SPIB: variants seen among roughly 807,000 people sequenced by gnomAD.
The protein encoded by SPIB is Spi-B transcription factor, also known as transcription factor Spi-B.
Under a neutral mutation model 31.9 loss-of-function variants are expected in SPIB, and 7 were observed. That is an observed-to-expected ratio of 0.22 (90% CI 0.12 to 0.41). The LOEUF (loss-of-function observed/expected upper bound fraction) is 0.41. Ranked by LOEUF, SPIB falls within the 10% of genes least tolerant of loss-of-function variation. SPIB has a pLI of 1.00. For synonymous variants in SPIB, 176 were observed against 158.9 expected, an observed-to-expected ratio of 1.11 and a Z score of -0.81; for missense variants, 327 against 360.2, an observed-to-expected ratio of 0.91 and a Z score of 0.75.
At chr19:50,425,766 T>C (rs1383424299) in intron 5 of SPIB, among the ~76,000 whole-genome samples, 1 of 152,180 alleles carries the variant, frequency 6.6e-6, no homozygotes, top group African/African-American at 2.4e-5. Flanking sequence ...TTATGGCTTA[T>C]AGGTCCTGGG....
In SPIB at chr19:50,428,234, C is replaced by T; in HGVS notation, c.687C>T (p.Arg229=). The T allele has an allele frequency of 6.4e-7, 1 of 1,564,494 alleles. No individual in the cohort carries two copies. Among genetic ancestry groups the T allele is most frequent in the East Asian group, 2.4e-5 (1 of 42,226 alleles). ...GCATGACCTACCAGAAGCTGGCGCG[C>T]GCCCTCCGAAACTACGCCAAGACCG... ...RKRMTYQKLA[R]ALRNYAKTGE... is the part of the protein sequence containing the mutation. Residue 229 remains arginine (R), a synonymous_variant, in exon 6 of 6, where the codon CGC becomes CGT. Coordinates refer to ENST00000595883, the MANE Select transcript of SPIB (RefSeq NM_003121.5). This position sits in a 1 kb window ranked among gnomAD's most constrained non-coding sequence, Gnocchi z 6.5.
chr19:50,430,738 G>A lies in SPIB; in HGVS notation c.*2402G>A, dbSNP rs79448115. 12,794 of 149,998 alleles carry A rather than the reference G, an allele frequency of 0.085. 1,817 individuals are homozygous for A. Among genetic ancestry groups the A allele is most frequent in the African/African-American group, 0.3 (12,065 of 40,650 alleles). The allele number at this position is 149,998 out of a possible 1,614,324, so 9.3% of individuals were successfully genotyped here. A position where few individuals can be genotyped will look rare whatever the true frequency, so the allele number is the denominator to read the frequency against. ...GCCTGGGCGACAAGAGCGAAACTCC[G>A]TCTCAAAAAAAAAAAACTGTTGCAG... On this transcript the variant is annotated 3_prime_UTR_variant, in exon 6 of 6. Transcript: ENST00000595883.
At position 50,422,457 on chromosome 19, in the gene SPIB, C is replaced by T; in HGVS notation, c.52-16C>T. ...GGCCTGGGATGACCCCTCTTCCCTCCTGCACCCCGTATCAGTACCCAGATG... is the reference window on the plus strand; with the variant it reads ...GGCCTGGGATGACCCCTCTTCCCTCTTGCACCCCGTATCAGTACCCAGATG... On this transcript the variant is annotated splice_polypyrimidine_tract_variant and intron_variant, in intron 2 of 5. Coordinates refer to ENST00000595883, the MANE Select transcript of SPIB (RefSeq NM_003121.5). The T allele has an allele frequency of 6.2e-7, 1 of 1,613,388 alleles. No individual in the cohort carries two copies. The highest frequency in any genetic ancestry group is 8.5e-7 in the Non-Finnish European group (1 of 1,179,434).
chr19:50,422,542 C>T lies in SPIB; in HGVS notation c.121C>T (p.Pro41Ser), dbSNP rs749812323. The T allele has an allele frequency of 1.2e-6, 2 of 1,613,744 alleles. No homozygotes were observed. ...HSSYPDSEGA[P>S]DSLWDWTVAP... ...CAGCTACCCTGATTCAGAGGGGGCT[C>T]CTGGTGAGTGACCCCAGCCCTGTGC... The change falls in exon 3 of 6, where the codon CCT becomes TCT. Residue 41 changes from proline (P) to serine (S), a missense_variant. Around this residue, in one of 4 missense-constraint regions of SPIB, gnomAD observed 238 missense variants for 228.8 expected, o/e 1.04. Coordinates refer to ENST00000595883, the MANE Select transcript of SPIB (RefSeq NM_003121.5).
chr19:50,422,983 G>A lies in SPIB; in HGVS notation c.285G>A (p.Leu95=). The change falls in exon 4 of 6, where the codon CTG becomes CTA. Residue 95 remains leucine (L), a synonymous_variant. Coordinates refer to ENST00000595883, the MANE Select transcript of SPIB (RefSeq NM_003121.5). The part of the protein sequence containing the change: ...PAGNLELAPS[L]EAPGPGLPAY... ...GGAACCTCGAACTGGCCCCCAGCCT[G>A]GAGGCCCCGGGGCCTGGCCTCCCTG... 5 of 1,572,450 alleles carry A rather than the reference G, an allele frequency of 3.2e-6. No homozygotes were observed. Among genetic ancestry groups the A allele is most frequent in the Admixed American group, 1.8e-5 (1 of 54,210 alleles).
In SPIB at chr19:50,430,855, C is replaced by T. The variant is rs1288964428; in HGVS notation, c.*2519C>T. On this transcript the variant is annotated 3_prime_UTR_variant, in exon 6 of 6. Transcript: ENST00000595883. ...CCAATGACCTAGAGACACGAGAAGT[C>T]CATGTGGAGGCACACAGCAGCTGAT... 6.6e-6 allele frequency: 1 copy of T among 152,264 alleles called. No individual in the cohort carries two copies. Among genetic ancestry groups the T allele is most frequent in the Non-Finnish European group, 1.5e-5 (1 of 68,132 alleles). 9.4% of individuals were successfully genotyped at this position (152,264 alleles called of 1,614,324 possible). A position where few individuals can be genotyped will look rare whatever the true frequency, so the allele number is the denominator to read the frequency against.
intron 5 of SPIB, among the ~76,000 whole-genome samples, chr19:50,424,191 G>A (rs553543227): frequency 8.4e-4 from 128 of 152,258 alleles, no homozygotes; most frequent in African/African-American, 2.7e-3. Context: ...AGCTGAGATC[G>A]TTCCTTCCTT....
chr19:50,426,863 C>G (rs965384682), intron 5 of SPIB, among the ~76,000 whole-genome samples: 1 of 152,090 alleles, frequency 6.6e-6, no homozygotes, highest in South Asian at 2.1e-4. Context: ...GGTGCAGTGG[C>G]TCACACCTGT....
intron 5 of SPIB, among the ~76,000 whole-genome samples, chr19:50,425,638 G>A (rs998806295): frequency 3.9e-5 from 6 of 152,042 alleles, no homozygotes; most frequent in Admixed American, 6.6e-5. Flanking sequence ...GTGAGGTCTC[G>A]CTATGTTGCC....
intron 2 of SPIB, 119 bp downstream of exon 2, chr19:50,420,092 C>A: frequency 1.1e-6 from 1 of 933,640 alleles, no homozygotes; most frequent in Non-Finnish European, 1.5e-6. Flanking sequence ...TGTTTCTGAG[C>A]TCCCCCTTGG....
Position 50,428,138 on chromosome 19 carries a change from C to A in SPIB, c.591C>A (p.Val197=). 1 of 1,586,598 alleles carries A rather than the reference C, an allele frequency of 6.3e-7. No homozygotes were observed. The highest frequency in any genetic ancestry group is 8.6e-7 in the Non-Finnish European group (1 of 1,166,274). The change falls in exon 6 of 6, where the codon GTC becomes GTA. Residue 197 remains valine (V), a synonymous_variant. Coordinates refer to ENST00000595883, the MANE Select transcript of SPIB (RefSeq NM_003121.5). This position sits in a 1 kb window ranked among gnomAD's most constrained non-coding sequence, Gnocchi z 6.5. ...CVWWVEPGAG[V]FQFSSKHKEL... ...GGTGGGTGGAGCCAGGCGCCGGCGT[C>A]TTCCAGTTCTCCTCCAAGCACAAGG...
chr19:50,425,057 A>G (rs2039548495), intron 5 of SPIB, among the ~76,000 whole-genome samples: 1 of 151,692 alleles, frequency 6.6e-6, no homozygotes. Flanking sequence ...CCCAGGCTGG[A>G]GTGCAGTGGC....
intron 5 of SPIB, among the ~76,000 whole-genome samples, chr19:50,427,751 C>T (rs1458883596): frequency 6.6e-6 from 1 of 152,050 alleles, no homozygotes; most frequent in African/African-American, 2.4e-5. Context: ...TGGAATATTA[C>T]GTGCTGGCCG....
intron 5 of SPIB, among the ~76,000 whole-genome samples, chr19:50,426,728 C>T (rs938029720): frequency 3.9e-5 from 6 of 152,004 alleles, no homozygotes; most frequent in African/African-American, 1.4e-4. Context: ...CTCCTGACCT[C>T]AAGTGATCTG....
intron 1 of SPIB, 120 bp downstream of exon 1, chr19:50,419,105 A>T: frequency 8.1e-7 from 1 of 1,237,032 alleles, no homozygotes; most frequent in Non-Finnish European, 1.2e-6. Flanking sequence ...AGTGGAGGGG[A>T]GGGGTCCACC....
chr19:50,423,865 C>T, intron 5 of SPIB, 110 bp downstream of exon 5: 1 of 1,270,282 alleles, frequency 7.9e-7, no homozygotes, highest in South Asian at 1.5e-5. Flanking sequence ...CTGGGCAGCT[C>T]CCAGATCCGC....
chr19:50,420,117 C>T (rs2039475645), intron 2 of SPIB, 144 bp downstream of exon 2: 1 of 646,528 alleles, frequency 1.5e-6, no homozygotes, highest in African/African-American at 1.9e-5. Context: ...TCCTGCTACC[C>T]CGCATCCGTA....
At chr19:50,426,660 A>T (rs1189484972) in intron 5 of SPIB, among the ~76,000 whole-genome samples, 1 of 151,832 alleles carries the variant, frequency 6.6e-6, no homozygotes, top group African/African-American at 2.4e-5. Flanking sequence ...ACACCCAGCT[A>T]ATTTTTGTAT....
At position 50,428,400 on chromosome 19, in the gene SPIB, T is replaced by C; in HGVS notation, c.*64T>C. 2 of 1,461,572 alleles carry C rather than the reference T, an allele frequency of 1.4e-6. No individual in the cohort carries two copies. The highest frequency in any genetic ancestry group is 1.8e-6 in the Non-Finnish European group (2 of 1,104,738). 90.5% of individuals were successfully genotyped at this position (1,461,572 alleles called of 1,614,324 possible). ...CCTCACGTCCCAGCCAGGATCCCCC[T>C]GGAAGAAAAAGGGCGTCCCCACACT... is the stretch of plus-strand genomic sequence containing the variant. On this transcript the variant is annotated 3_prime_UTR_variant, in exon 6 of 6. Coordinates refer to ENST00000595883, the MANE Select transcript of SPIB (RefSeq NM_003121.5). This position sits in a 1 kb window ranked among gnomAD's most constrained non-coding sequence, Gnocchi z 6.5.
Sources: gnomAD v4.1 joint callset for allele counts (sites outside exome capture counted in the v4.1 genomes callset) on GRCh38, gnomAD v4.1.1 for gene constraint, gnomAD v4.1.1 regional missense constraint, Gnocchi (gnomAD v3.1) non-coding constraint, MANE v1.5 for transcripts, NCBI Gene and HGNC (gene_info 2026-07-23, HGNC 2026-07-21) for gene names.